The following QKI variants were observed in gnomAD, a reference collection of about 807,000 sequenced individuals.
QKI encodes the protein KH domain-containing RNA-binding protein QKI.
A neutral mutation model predicts 39.0 loss-of-function variants in QKI; 10 were observed. That is an observed-to-expected ratio of 0.26 (90% CI 0.16 to 0.43). The LOEUF (loss-of-function observed/expected upper bound fraction) is 0.43, where lower values mean the gene tolerates loss of function less well. QKI is among the 20% of genes least tolerant of loss of function. The pLI, the probability that QKI is intolerant of heterozygous loss-of-function variation, is 1.00. For synonymous variants in QKI, 204 were observed against 155.4 expected, an observed-to-expected ratio of 1.31 and a Z score of -2.33; for missense variants, 218 against 428.0, an observed-to-expected ratio of 0.51 and a Z score of 4.33.
In QKI at chr6:163,576,473, A is replaced by G. The variant is rs1783979802; in HGVS notation, c.*5763A>G. On this transcript the variant is annotated 3_prime_UTR_variant, in exon 8 of 8. Transcript: ENST00000361752. ...CAGCTTCCAGGGTAAAAGTTAATTT[A>G]TAACTTAAAAGTGCTATTAAGTTTT... The G allele has an allele frequency of 6.6e-6, 1 of 152,178 alleles. No homozygotes were observed. The highest frequency in any genetic ancestry group is 1.5e-5 in the Non-Finnish European group (1 of 68,024). 9.4% of individuals were successfully genotyped at this position (152,178 alleles called of 1,614,324 possible).
At chr6:163,494,865 T>C (rs1778301885) in intron 3 of QKI, among the ~76,000 whole-genome samples, 1 of 152,018 alleles carries the variant, frequency 6.6e-6, no homozygotes, top group African/African-American at 2.4e-5. Context: ...AGTTAACTGC[T>C]GTTGGCTGTT....
At chr6:163,537,864 T>G (rs1289197777) in intron 4 of QKI, among the ~76,000 whole-genome samples, 1 of 152,228 alleles carries the variant, frequency 6.6e-6, no homozygotes, top group Non-Finnish European at 1.5e-5. Context: ...TGCAGTCTAT[T>G]GTTACCTTTC....
rs1219844892 is a variant in QKI, at chr6:163,415,127, CG to C, written c.-66del. 25 of 1,229,038 alleles carry C rather than the reference CG, an allele frequency of 2.0e-5. No homozygotes were observed. In the African/African-American group the frequency reaches 3.6e-4, roughly 18 times the overall value. 76.1% of individuals were successfully genotyped at this position (1,229,038 alleles called of 1,614,324 possible). ...GCGGCCCGCGGCCGGGGCTCGCCCC[CG>C]CCCCTCCCTCCTCTCCGGCGGCGGC... On this transcript the variant is annotated 5_prime_UTR_variant, in exon 1 of 8. Transcript: ENST00000361752.
chr6:163,449,813 C>G (rs1358475992), intron 1 of QKI, among the ~76,000 whole-genome samples: 1 of 151,976 alleles, frequency 6.6e-6, no homozygotes, highest in Non-Finnish European at 1.5e-5. Flanking sequence ...ACAGCCTTAG[C>G]TATGTATTTA....
intron 1 of QKI, among the ~76,000 whole-genome samples, chr6:163,422,023 C>T (rs577426065): frequency 2.0e-3 from 311 of 152,248 alleles, no homozygotes; most frequent in Middle Eastern, 6.8e-3. Context: ...CTGACCGCCT[C>T]GGCCTCCCAA....
Position 163,576,508 on chromosome 6 carries a change from A to G in QKI, c.*5798A>G, listed in dbSNP as rs1156655137. On this transcript the variant is annotated 3_prime_UTR_variant, in exon 8 of 8. Coordinates refer to ENST00000361752, the MANE Select transcript of QKI (RefSeq NM_006775.3). ...AGTGCTATTAAGTTTTTATTACCAA[A>G]TATATCTTTTATGGTTTATATTGTA... is the stretch of plus-strand genomic sequence containing the variant. 6.6e-6 allele frequency: 1 copy of G among 152,096 alleles called. No homozygotes were observed. The highest frequency in any genetic ancestry group is 6.6e-5 in the Admixed American group (1 of 15,262). The allele number at this position is 152,096 out of a possible 1,614,324, so 9.4% of individuals were successfully genotyped here. A position where few individuals can be genotyped will look rare whatever the true frequency, so the allele number is the denominator to read the frequency against.
intron 3 of QKI, among the ~76,000 whole-genome samples, chr6:163,505,998 C>T (rs901714414): frequency 1.7e-4 from 26 of 152,022 alleles, no homozygotes; most frequent in Admixed American, 1.5e-3. Context: ...ATGCTGTTCT[C>T]GTGATAGTGA....
chr6:163,421,714 C>T (rs1375831549), intron 1 of QKI, among the ~76,000 whole-genome samples: 1 of 151,738 alleles, frequency 6.6e-6, no homozygotes, highest in African/African-American at 2.4e-5. Context: ...TTGAAGTTTT[C>T]ACTTAGCTGA....
chr6:163,533,837 T>A (rs1222931973), intron 3 of QKI, among the ~76,000 whole-genome samples: 2 of 152,170 alleles, frequency 1.3e-5, no homozygotes, highest in Non-Finnish European at 2.9e-5. Context: ...ATCCTAAAGA[T>A]GTGTTGATTA....
chr6:163,549,382 C>T (rs1039515721), intron 4 of QKI, among the ~76,000 whole-genome samples: 1 of 152,046 alleles, frequency 6.6e-6, no homozygotes, highest in Non-Finnish European at 1.5e-5. Context: ...TAACTTAAGA[C>T]TCAGTAAAAG....
rs942165821 is a variant in QKI, at chr6:163,575,592, C to T, written c.*4882C>T. ...AAACTTAACATGAAAGTAGTTACTC[C>T]CATACGCACCAGTGCAGTAGCTCCA... On this transcript the variant is annotated 3_prime_UTR_variant, in exon 8 of 8. Coordinates refer to ENST00000361752, the MANE Select transcript of QKI (RefSeq NM_006775.3). The T allele has an allele frequency of 1.3e-5, 2 of 152,112 alleles. No individual in the cohort carries two copies. The highest frequency in any genetic ancestry group is 2.9e-5 in the Non-Finnish European group (2 of 68,024). The allele number at this position is 152,112 out of a possible 1,614,324, so 9.4% of individuals were successfully genotyped here. A position where few individuals can be genotyped will look rare whatever the true frequency, so the allele number is the denominator to read the frequency against.
At chr6:163,478,735 C>T in intron 2 of QKI, 45 bp from the exon 3 acceptor site, 1 of 1,274,728 alleles carries the variant, frequency 7.8e-7, no homozygotes. Context: ...GCTGTAAGTT[C>T]CAGCAAGTGA....
intron 2 of QKI, among the ~76,000 whole-genome samples, chr6:163,476,080 G>GA (rs1444390945): frequency 1.3e-5 from 2 of 151,772 alleles, no homozygotes; most frequent in Admixed American, 6.6e-5. Flanking sequence ...CAACAAATGT[G>GA]AAAAAAATGC....
At chr6:163,470,273 C>T (rs754624305) in intron 2 of QKI, among the ~76,000 whole-genome samples, 11 of 151,990 alleles carry the variant, frequency 7.2e-5, no homozygotes, top group Non-Finnish European at 1.2e-4. Flanking sequence ...GCCTAGTCTT[C>T]GCTTGGGGGT....
chr6:163,510,146 G>C (rs982691874), intron 3 of QKI, among the ~76,000 whole-genome samples: 16 of 151,760 alleles, frequency 1.1e-4, no homozygotes, highest in African/African-American at 3.9e-4. Flanking sequence ...AACCTGGGAG[G>C]TGGAGGTTGC....
intron 3 of QKI, among the ~76,000 whole-genome samples, chr6:163,513,355 T>A (rs1037602681): frequency 5.3e-5 from 8 of 152,212 alleles, no homozygotes; most frequent in African/African-American, 1.9e-4. Flanking sequence ...TTATTTTATG[T>A]ATCACCAACT....
chr6:163,467,038 CAAA>C (rs199715703), intron 2 of QKI, among the ~76,000 whole-genome samples: 3 of 105,134 alleles, frequency 2.9e-5, no homozygotes, highest in Admixed American at 9.8e-5. Flanking sequence ...AACAAAACAG[CAAA>C]AAAAAAAAAA....
intron 3 of QKI, among the ~76,000 whole-genome samples, chr6:163,516,149 G>A (rs1779780315): frequency 6.6e-6 from 1 of 152,070 alleles, no homozygotes; most frequent in Admixed American, 6.6e-5. Flanking sequence ...TAGGAGTGCA[G>A]GCAATTTTTA....
At chr6:163,545,504 C>G (rs1486944180) in intron 4 of QKI, among the ~76,000 whole-genome samples, 3 of 152,058 alleles carry the variant, frequency 2.0e-5, no homozygotes, top group Non-Finnish European at 4.4e-5. Context: ...ACCGTCTGTC[C>G]AGCCGTAATG....
Sources: gnomAD v4.1 joint callset for allele counts (sites outside exome capture counted in the v4.1 genomes callset) on GRCh38, gnomAD v4.1.1 for gene constraint, MANE v1.5 for transcripts, NCBI Gene and HGNC (gene_info 2026-07-23, HGNC 2026-07-21) for gene names.